Variants in NCOR2 observed in about 807,000 individuals in gnomAD.
NCOR2 encodes nuclear receptor corepressor 2.
In NCOR2, 81 loss-of-function variants were observed where a neutral mutation model predicts 262.9. The ratio of observed to expected loss-of-function variants is 0.31; its 90% CI spans 0.26 to 0.37. The LOEUF (loss-of-function observed/expected upper bound fraction) is 0.37. Among genes scored for constraint, NCOR2 ranks in the 10% least tolerant of loss-of-function variants. The pLI, the probability that NCOR2 is intolerant of heterozygous loss-of-function variation, is 1.00. For missense variants in NCOR2, 3,385 were observed against 3,621.4 expected (o/e 0.93, Z 1.68); for synonymous variants, 1,659 against 1,559.3 (o/e 1.06, Z -1.51).
intron 7 of NCOR2, among the ~76,000 whole-genome samples, chr12:124,439,256 G>A (rs2044647102): frequency 2.0e-5 from 2 of 99,640 alleles, no homozygotes; most frequent in African/African-American, 7.5e-5. Context: ...CCCAGAGAGA[G>A]AGAGATGGAG....
At chr12:124,532,995 C>CT (rs1374778354) in intron 1 of NCOR2, among the ~76,000 whole-genome samples, 2 of 38,192 alleles carry the variant, frequency 5.2e-5, no homozygotes, top group African/African-American at 7.3e-5. Flanking sequence ...CTCTTTCCCC[C>CT]ACCTCCAAAT....
chr12:124,495,466 ACG>A, upstream of NCOR2: 1 of 905,676 alleles, frequency 1.1e-6, no homozygotes. This position sits in a 1 kb window ranked among gnomAD's most constrained non-coding sequence, Gnocchi z 4.4. Context: ...CCGTGAGGAC[ACG>A]CGAGCACCCA....
intron 1 of NCOR2, among the ~76,000 whole-genome samples, chr12:124,546,760 T>C (rs1161653367): frequency 6.6e-6 from 1 of 152,008 alleles, no homozygotes; most frequent in African/African-American, 2.4e-5. Context: ...CATGATGAGA[T>C]CTTGCACCGT....
At chr12:124,365,106 G>A (rs2038924831) in intron 20 of NCOR2, among the ~76,000 whole-genome samples, 2 of 152,190 alleles carry the variant, frequency 1.3e-5, no homozygotes, top group Admixed American at 6.5e-5. Flanking sequence ...CCTGCATTTG[G>A]GTGTATTTGG....
intron 1 of NCOR2, among the ~76,000 whole-genome samples, chr12:124,534,506 T>C (rs1311390199): frequency 6.6e-6 from 1 of 151,960 alleles, no homozygotes; most frequent in Non-Finnish European, 1.5e-5. Context: ...CTGTCATATA[T>C]GCGGTCCATC....
chr12:124,476,029 GA>G (rs770450580), intron 3 of NCOR2, among the ~76,000 whole-genome samples: 23 of 152,184 alleles, frequency 1.5e-4, no homozygotes, highest in Non-Finnish European at 3.4e-4. Flanking sequence ...AAACTCCCTA[GA>G]AAAAGCCTCA....
chr12:124,374,899 T>C (rs908902370), intron 18 of NCOR2, among the ~76,000 whole-genome samples: 3 of 152,150 alleles, frequency 2.0e-5, no homozygotes, highest in East Asian at 1.9e-4. Context: ...TCAGCCTTCA[T>C]TGCCCCCCCA....
intron 3 of NCOR2, among the ~76,000 whole-genome samples, chr12:124,478,151 C>T (rs778016386): frequency 9.9e-5 from 15 of 152,226 alleles, no homozygotes; most frequent in Non-Finnish European, 2.1e-4. Context: ...CTGGAGTCAC[C>T]GGCTTCCTTC....
chr12:124,557,035 G>C (rs1181037584), intron 1 of NCOR2, among the ~76,000 whole-genome samples: 1 of 152,254 alleles, frequency 6.6e-6, no homozygotes, highest in Non-Finnish European at 1.5e-5. Flanking sequence ...AGGTCGCAGA[G>C]GACGGCCCAC....
chr12:124,440,419 C>T lies in NCOR2; in HGVS notation c.816-2423G>A, dbSNP rs566436614. ...CCTCCCCACCTTCCATCAGTCTGGC[C>T]GCCGCCCCCCGGCCAGGGTGGGCCA... is the stretch of plus-strand genomic sequence containing the variant. On this transcript the variant is annotated intron_variant, in intron 7 of 46. Coordinates refer to ENST00000405201, the Ensembl canonical transcript of NCOR2. This position sits in a 1 kb window ranked among gnomAD's most constrained non-coding sequence, Gnocchi z 5.7. Among the ~76,000 whole-genome samples the T allele has an allele frequency of 3.9e-4, 60 of 152,304 alleles. No individual in the cohort carries two copies. The highest frequency in any genetic ancestry group is 1.4e-3 in the African/African-American group (57 of 41,574).
At chr12:124,470,414 C>T (rs1288055724) in intron 4 of NCOR2, among the ~76,000 whole-genome samples, 6 of 152,208 alleles carry the variant, frequency 3.9e-5, no homozygotes, top group Admixed American at 3.9e-4. Context: ...AAATGTTCAA[C>T]AGCAGCACTA....
intron 7 of NCOR2, among the ~76,000 whole-genome samples, chr12:124,442,447 TG>T (rs1476303180): frequency 6.6e-6 from 1 of 152,212 alleles, no homozygotes; most frequent in Non-Finnish European, 1.5e-5. Flanking sequence ...GCCCTAGTTG[TG>T]GTAAGTGTTT....
chr12:124,403,487 C>T (rs527864524), intron 13 of NCOR2, among the ~76,000 whole-genome samples: 9 of 152,086 alleles, frequency 5.9e-5, no homozygotes, highest in East Asian at 3.9e-4. Context: ...CCTGTCATCC[C>T]GCCTGATTTC....
intron 38 of NCOR2, chr12:124,336,481 G>A (rs1478928142): frequency 1.6e-5 from 10 of 624,640 alleles, no homozygotes; most frequent in South Asian, 8.7e-5. Context: ...AGGCGCGGCC[G>A]GAGTAGTCGT....
At chr12:124,458,715 G>A (rs1346082748) in intron 5 of NCOR2, among the ~76,000 whole-genome samples, 2 of 152,202 alleles carry the variant, frequency 1.3e-5, no homozygotes, top group Non-Finnish European at 2.9e-5. Context: ...CAGGGAAGAA[G>A]CCCTTCTTAT....
At chr12:124,382,353 C>T (rs1195917825) in intron 17 of NCOR2, among the ~76,000 whole-genome samples, 1 of 152,174 alleles carries the variant, frequency 6.6e-6, no homozygotes, top group African/African-American at 2.4e-5. Flanking sequence ...CTCTGCAGCC[C>T]GCGATATGAG....
intron 1 of NCOR2, among the ~76,000 whole-genome samples, chr12:124,506,899 G>A (rs2049073209): frequency 6.6e-6 from 1 of 152,240 alleles, no homozygotes; most frequent in African/African-American, 2.4e-5. Flanking sequence ...GGGGCTCAGG[G>A]AGCTGGGTGG....
rs2047469917 is a variant in NCOR2 at position 124,481,330 on chromosome 12, C to T, written c.411+2266G>A. 6.6e-6 allele frequency among the ~76,000 whole-genome samples: 1 copy of T among 152,060 alleles called. No homozygotes were observed. The highest frequency in any genetic ancestry group is 1.5e-5 in the Non-Finnish European group (1 of 67,994). Reference sequence around the variant, plus strand: ...TCCCAAGCCCAGACCCAAGTGCAGGCGGCCCAAGCCCCAGGCCACAGAGAC... The same window carrying T: ...TCCCAAGCCCAGACCCAAGTGCAGGTGGCCCAAGCCCCAGGCCACAGAGAC... On this transcript the variant is annotated intron_variant, in intron 3 of 46. Coordinates refer to ENST00000405201, the Ensembl canonical transcript of NCOR2. This position sits in a 1 kb window ranked among gnomAD's most constrained non-coding sequence, Gnocchi z 4.6.
intron 22 of NCOR2, among the ~76,000 whole-genome samples, chr12:124,358,114 C>A (rs866622252): frequency 1.6e-3 from 196 of 122,774 alleles, no homozygotes; most frequent in African/African-American, 6.1e-3. Context: ...CACGTGCGTG[C>A]GTGTGAGTGC....
Sources: allele counts gnomAD v4.1 joint callset (sites outside exome capture counted in the v4.1 genomes callset), GRCh38; gene constraint gnomAD v4.1.1; non-coding constraint Gnocchi (gnomAD v3.1); transcripts MANE v1.5; gene names NCBI Gene and HGNC (gene_info 2026-07-23, HGNC 2026-07-21).